The following UGGT2 variants were observed in gnomAD, a reference collection of about 807,000 sequenced individuals.
The protein encoded by UGGT2 is UDP-glucose:glycoprotein glucosyltransferase 2.
In UGGT2, 180 loss-of-function variants were observed where a neutral mutation model predicts 192.1. The ratio of observed to expected loss-of-function variants is 0.94; its 90% CI spans 0.83 to 1.06. UGGT2 has a LOEUF of 1.06. UGGT2 is among the 50% of genes least tolerant of loss of function. UGGT2 has a pLI of 0.00. For synonymous variants in UGGT2, 580 were observed against 591.0 expected (o/e 0.98, Z 0.27); for missense variants, 1,849 against 1,795.7 (o/e 1.03, Z -0.54).
chr13:95,805,732 A>G (rs1884269869), intron 38 of UGGT2, among the ~76,000 whole-genome samples: 1 of 152,190 alleles, frequency 6.6e-6, no homozygotes, highest in Non-Finnish European at 1.5e-5. Context: ...TAGAGTAGTC[A>G]AATTCACAGA....
chr13:95,984,419 C>T (rs534747019), intron 9 of UGGT2, among the ~76,000 whole-genome samples: 2 of 152,224 alleles, frequency 1.3e-5, no homozygotes, highest in South Asian at 2.1e-4. Context: ...GTCTCGGGTT[C>T]CTGGGCTCAA....
intron 1 of UGGT2, among the ~76,000 whole-genome samples, chr13:96,039,483 C>A (rs1056501864): frequency 6.6e-6 from 1 of 152,110 alleles, no homozygotes; most frequent in Admixed American, 6.5e-5. Context: ...ACATGCTTAA[C>A]CTGTTCAGCA....
At chr13:95,848,138 T>C (rs1239572239) in intron 36 of UGGT2, among the ~76,000 whole-genome samples, 1 of 152,248 alleles carries the variant, frequency 6.6e-6, no homozygotes, top group East Asian at 1.9e-4. Flanking sequence ...TTTGATCCAT[T>C]TCTAAATTTG....
At chr13:95,860,343 AAT>A (rs1890039561) in intron 32 of UGGT2, among the ~76,000 whole-genome samples, 1 of 148,578 alleles carries the variant, frequency 6.7e-6, no homozygotes, top group Non-Finnish European at 1.5e-5. Flanking sequence ...AAGTACTGTA[AAT>A]ATATATATTG....
At chr13:95,895,080 C>T in intron 23 of UGGT2, 100 bp downstream of exon 23, 9 of 1,214,702 alleles carry the variant, frequency 7.4e-6, no homozygotes, top group South Asian at 4.6e-5. Flanking sequence ...TTTATTATAC[C>T]TTTACTTGTC....
At chr13:95,951,548 C>T (rs1443473572) in intron 12 of UGGT2, among the ~76,000 whole-genome samples, 1 of 152,222 alleles carries the variant, frequency 6.6e-6, no homozygotes, top group Non-Finnish European at 1.5e-5. Flanking sequence ...AGCCTTCAAG[C>T]AGTGCCACTT....
In UGGT2 at chr13:95,854,493, ACTGTC is replaced by A; in HGVS notation, c.4009-23_4009-19del. On this transcript the variant is annotated intron_variant, in intron 34 of 38. Coordinates refer to ENST00000376747, the MANE Select transcript of UGGT2 (RefSeq NM_020121.4). Reference sequence around the variant, plus strand: ...CTCACAATCTAAATAATTAAAATAGACTGTCTGATAAAGACTGTAAAATAACATAA... The same window carrying A: ...CTCACAATCTAAATAATTAAAATAGATGATAAAGACTGTAAAATAACATAA... 1 of 1,585,962 alleles carries A rather than the reference ACTGTC, an allele frequency of 6.3e-7. No individual in the cohort carries two copies. The highest frequency in any genetic ancestry group is 8.6e-7 in the Non-Finnish European group (1 of 1,166,968).
At chr13:95,929,665 C>A (rs1021982827) in intron 17 of UGGT2, among the ~76,000 whole-genome samples, 1 of 152,158 alleles carries the variant, frequency 6.6e-6, no homozygotes, top group Admixed American at 6.5e-5. Context: ...TATATATGCA[C>A]CACATTTTCT....
intron 17 of UGGT2, among the ~76,000 whole-genome samples, chr13:95,928,367 T>TG (rs1310865678): frequency 3.8e-4 from 32 of 85,070 alleles, no homozygotes; most frequent in East Asian, 3.3e-3. Flanking sequence ...ACAGGACGGC[T>TG]GCCGGGCGGA....
rs781312405 is a variant in UGGT2, at chr13:96,023,758, T to C, written c.243A>G (p.Glu81=). The C allele has an allele frequency of 3.1e-6, 5 of 1,587,590 alleles. No homozygotes were observed. The highest frequency in any genetic ancestry group is 3.4e-6 in the Non-Finnish European group (4 of 1,163,728). The change falls in exon 3 of 39, where the codon GAA becomes GAG. Residue 81 remains glutamate, a splice_region_variant and synonymous_variant. Coordinates refer to ENST00000376747, the MANE Select transcript of UGGT2 (RefSeq NM_020121.4). The stretch of plus-strand genomic sequence containing the variant: ...TTAAGTTGTAATAAGAATAATCTGA[T>C]TCTATAAAAAGAAGTCAAAAGAAAA... The part of the protein sequence containing the change: ...VQELAIYKQT[E]SDYSYYNLIL...
rs1262790493 is a variant in UGGT2, at chr13:95,877,270, A to T, written c.3473+9T>A. ...GTGTAAAAATTTAAAAGCAGCCTGC[A>T]TAACTCACCCAACTATTTGATAAAT... On this transcript the variant is annotated intron_variant, in intron 29 of 38. Transcript: ENST00000376747. The T allele has an allele frequency of 1.3e-6, 2 of 1,579,054 alleles. No homozygotes were observed. Among genetic ancestry groups the T allele is most frequent in the Non-Finnish European group, 1.7e-6 (2 of 1,166,336 alleles).
At chr13:95,822,322 T>A (rs994827733) in intron 38 of UGGT2, among the ~76,000 whole-genome samples, 6 of 152,130 alleles carry the variant, frequency 3.9e-5, no homozygotes, top group African/African-American at 1.4e-4. Context: ...GGGATTGACT[T>A]CTTGATTTGT....
chr13:95,814,639 T>A (rs906023004), intron 38 of UGGT2, among the ~76,000 whole-genome samples: 17 of 152,168 alleles, frequency 1.1e-4, no homozygotes, highest in African/African-American at 4.1e-4. Flanking sequence ...GCCTTCCCAA[T>A]AGTCTCCTAA....
At chr13:95,996,281 C>CACTTGAGT in intron 6 of UGGT2, 146 bp from the exon 7 acceptor site, 1 of 641,714 alleles carries the variant, frequency 1.6e-6, no homozygotes, top group Non-Finnish European at 2.8e-6. Flanking sequence ...GTGGGTAAAT[C>CACTTGAGT]ACTTGAGCTC....
At chr13:95,839,959 C>T (rs1887691919) in intron 36 of UGGT2, among the ~76,000 whole-genome samples, 1 of 152,100 alleles carries the variant, frequency 6.6e-6, no homozygotes, top group Middle Eastern at 3.2e-3. Context: ...CTAGTAAACA[C>T]ATACAATGTC....
chr13:95,948,100 A>AGGCCGGGCGCGGTGGCTCACGCCTG lies in UGGT2; in HGVS notation c.1456-20_1456-19insCAGGCGTGAGCCACCGCGCCCGGCC. On this transcript the variant is annotated intron_variant, in intron 13 of 38. Coordinates refer to ENST00000376747, the MANE Select transcript of UGGT2 (RefSeq NM_020121.4). ...ACAGAACCTAAAAGAAAGATAGTAT[A>AGGCCGGGCGCGGTGGCTCACGCCTG]TATCACTATTTCAACACCTTAGAAT... 1 of 1,590,334 alleles carries AGGCCGGGCGCGGTGGCTCACGCCTG rather than the reference A, an allele frequency of 6.3e-7. No individual in the cohort carries two copies. Among genetic ancestry groups the AGGCCGGGCGCGGTGGCTCACGCCTG allele is most frequent in the Non-Finnish European group, 8.6e-7 (1 of 1,161,678 alleles).
At position 96,023,625 on chromosome 13, in the gene UGGT2, G is replaced by A. The variant is rs139927560; in HGVS notation, c.372+4C>T. ...TCAAATACAGATTGGGTATTTTTAC[G>A]CACCTGCTGAAACATCTGAATAGCT... On this transcript the variant is annotated splice_donor_region_variant and intron_variant, in intron 3 of 38. Transcript: ENST00000376747. 2.3e-4 allele frequency: 372 copies of A among 1,600,826 alleles called. 1 individual carries two copies. In the African/African-American group the frequency reaches 3.6e-3, roughly 16 times the overall value.
At chr13:95,816,505 A>C (rs185846017) in intron 38 of UGGT2, among the ~76,000 whole-genome samples, 1 of 152,360 alleles carries the variant, frequency 6.6e-6, no homozygotes, top group Admixed American at 6.5e-5. Flanking sequence ...GGTTCATCAA[A>C]TAGAAAGGAT....
chr13:95,927,310 T>C lies in UGGT2; in HGVS notation c.2004A>G (p.Ala668=). ...FLGTLNDRTN[A]IDFLMDRNNV... Reference sequence around the variant, plus strand: ...TATTCCTATCCATTAGAAAATCAATTGCATTCGTGCGATCATTTAATGTGC... The same window carrying C: ...TATTCCTATCCATTAGAAAATCAATCGCATTCGTGCGATCATTTAATGTGC... Residue 668 remains alanine, a synonymous_variant, in exon 18 of 39, where the codon GCA becomes GCG. Coordinates refer to ENST00000376747, the MANE Select transcript of UGGT2 (RefSeq NM_020121.4). 6.2e-7 allele frequency: 1 copy of C among 1,608,446 alleles called. No homozygotes were observed. Among genetic ancestry groups the C allele is most frequent in the Non-Finnish European group, 8.5e-7 (1 of 1,178,620 alleles).
Sources: allele counts gnomAD v4.1 joint callset (sites outside exome capture counted in the v4.1 genomes callset), GRCh38; gene constraint gnomAD v4.1.1; transcripts MANE v1.5; gene names NCBI Gene and HGNC (gene_info 2026-07-23, HGNC 2026-07-21).